Variants in STMN2 observed in about 807,000 individuals in gnomAD.
The protein encoded by STMN2 is stathmin-2.
In STMN2, 2 loss-of-function variants were observed where a neutral mutation model predicts 24.1. The observed-to-expected ratio is 0.08, with a 90% confidence interval of 0.03 to 0.26. The LOEUF (loss-of-function observed/expected upper bound fraction) is 0.26, where lower values mean the gene tolerates loss of function less well. Ranked by LOEUF, STMN2 falls within the 10% of genes least tolerant of loss-of-function variation. The pLI is 1.00. For synonymous variants in STMN2, 83 were observed against 77.5 expected, an observed-to-expected ratio of 1.07 and a Z score of -0.37; for missense variants, 114 against 213.6, an observed-to-expected ratio of 0.53 and a Z score of 2.91.
chr8:79,650,554 T>A (rs568582626), intron 3 of STMN2, among the ~76,000 whole-genome samples: 1 of 152,192 alleles, frequency 6.6e-6, no homozygotes, highest in African/African-American at 2.4e-5. Context: ...TAGAGCCAAT[T>A]TTTTTCCTTG....
chr8:79,653,489 T>C (rs975199415), intron 3 of STMN2, among the ~76,000 whole-genome samples: 22 of 152,218 alleles, frequency 1.4e-4, no homozygotes, highest in Non-Finnish European at 2.9e-4. Context: ...GCCACAGACC[T>C]ATTCCTGATC....
At chr8:79,632,726 C>T (rs1036073171) in intron 1 of STMN2, among the ~76,000 whole-genome samples, 8 of 152,226 alleles carry the variant, frequency 5.3e-5, no homozygotes, top group African/African-American at 1.9e-4. Flanking sequence ...ATACATATCA[C>T]TACTTCTTTT....
intron 1 of STMN2, among the ~76,000 whole-genome samples, chr8:79,628,439 C>T (rs922845415): frequency 5.9e-5 from 9 of 152,142 alleles, no homozygotes; most frequent in Admixed American, 4.6e-4. Flanking sequence ...GTGTGAGCCA[C>T]CACGCCTGGC....
intron 1 of STMN2, among the ~76,000 whole-genome samples, chr8:79,633,885 TC>T (rs1269955847): frequency 6.6e-6 from 1 of 152,222 alleles, no homozygotes; most frequent in African/African-American, 2.4e-5. Flanking sequence ...TATTAGCTTG[TC>T]AAGCATAATT....
chr8:79,644,027 C>A (rs1280552742), intron 3 of STMN2, among the ~76,000 whole-genome samples: 1 of 151,712 alleles, frequency 6.6e-6, no homozygotes, highest in Non-Finnish European at 1.5e-5. Flanking sequence ...GCAGAAAGTG[C>A]CAACTTTAAA....
chr8:79,653,862 T>C (rs1017585803), intron 3 of STMN2, among the ~76,000 whole-genome samples: 1 of 152,176 alleles, frequency 6.6e-6, no homozygotes, highest in African/African-American at 2.4e-5. Context: ...TAGGTCAGTA[T>C]TGGGTGGGAC....
intron 1 of STMN2, among the ~76,000 whole-genome samples, chr8:79,632,246 T>C (rs1009783363): frequency 1.3e-5 from 2 of 152,178 alleles, no homozygotes; most frequent in Admixed American, 1.3e-4. Context: ...TCAAATAAAG[T>C]GCTTTTGTCC....
intron 3 of STMN2, among the ~76,000 whole-genome samples, chr8:79,654,418 T>C (rs1457389491): frequency 6.6e-6 from 1 of 152,098 alleles, no homozygotes; most frequent in Non-Finnish European, 1.5e-5. Flanking sequence ...TGATGAAAAT[T>C]GAAAAGCTTA....
At chr8:79,629,169 T>C (rs901591644) in intron 1 of STMN2, among the ~76,000 whole-genome samples, 1 of 152,218 alleles carries the variant, frequency 6.6e-6, no homozygotes, top group African/African-American at 2.4e-5. Context: ...TCACAGGCTC[T>C]GTTATTCCCA....
chr8:79,627,014 TAATG>T (rs1167290082), intron 1 of STMN2, among the ~76,000 whole-genome samples: 2 of 152,182 alleles, frequency 1.3e-5, no homozygotes, highest in Non-Finnish European at 2.9e-5. Flanking sequence ...AACCCAGTCT[TAATG>T]AACCTCAAGG....
chr8:79,613,473 G>T (rs1375584707), intron 1 of STMN2: 4 of 985,372 alleles, frequency 4.1e-6, no homozygotes, highest in Non-Finnish European at 4.8e-6. Context: ...ACAATTCGCA[G>T]TTCACTCGCA....
At chr8:79,614,272 C>T (rs1382327930) in intron 1 of STMN2, among the ~76,000 whole-genome samples, 1 of 152,200 alleles carries the variant, frequency 6.6e-6, no homozygotes, top group African/African-American at 2.4e-5. Flanking sequence ...AATTAATTAT[C>T]AGGGCGAGTG....
At chr8:79,613,156 G>GC (rs537393449) in intron 1 of STMN2, among the ~76,000 whole-genome samples, 1 of 147,774 alleles carries the variant, frequency 6.8e-6, no homozygotes, top group Non-Finnish European at 1.5e-5. Context: ...CCCAGCCCAA[G>GC]CCCCCCGCCC....
intron 4 of STMN2, among the ~76,000 whole-genome samples, chr8:79,662,225 C>T (rs902944926): frequency 3.9e-5 from 6 of 152,036 alleles, no homozygotes; most frequent in African/African-American, 1.2e-4. Context: ...TATTGTATTA[C>T]ATTTCCTTTA....
chr8:79,663,722 A>C, intron 4 of STMN2: 1 of 1,303,376 alleles, frequency 7.7e-7, no homozygotes. Context: ...TTAAAATTTC[A>C]ATTCAATGAA....
At chr8:79,640,420 A>G (rs950078572) in intron 2 of STMN2, among the ~76,000 whole-genome samples, 5 of 149,386 alleles carry the variant, frequency 3.3e-5, no homozygotes. Context: ...AGGTTCACCC[A>G]TGTTGTCAAA....
intron 3 of STMN2, among the ~76,000 whole-genome samples, chr8:79,649,433 G>A (rs1183100866): frequency 6.6e-6 from 1 of 151,746 alleles, no homozygotes; most frequent in African/African-American, 2.4e-5. Context: ...TATGCTTCAG[G>A]CTCTTCAACA....
intron 1 of STMN2, chr8:79,613,336 G>A (rs1164494112): frequency 2.1e-6 from 2 of 971,236 alleles, no homozygotes; most frequent in Admixed American, 6.2e-5. Flanking sequence ...GGTGTGTGGA[G>A]CGCAGCCAGC....
chr8:79,646,859 G>A (rs1810229194), intron 3 of STMN2, among the ~76,000 whole-genome samples: 1 of 152,292 alleles, frequency 6.6e-6, no homozygotes, highest in East Asian at 1.9e-4. Context: ...TCTAGACTAA[G>A]ACAGTGATTC....
Sources: gnomAD v4.1 joint callset for allele counts (sites outside exome capture counted in the v4.1 genomes callset) on GRCh38, gnomAD v4.1.1 for gene constraint, MANE v1.5 for transcripts, NCBI Gene and HGNC (gene_info 2026-07-23, HGNC 2026-07-21) for gene names.